The following CFAP20DC variants were observed in gnomAD, a reference collection of about 807,000 sequenced individuals.
CFAP20DC encodes the protein CFAP20 domain containing, also known as protein CFAP20DC.
Under a neutral mutation model 101.7 loss-of-function variants are expected in CFAP20DC, and 84 were observed. The ratio of observed to expected loss-of-function variants is 0.83; its 90% CI spans 0.69 to 0.99. CFAP20DC has a LOEUF of 0.99. Among genes scored for constraint, CFAP20DC ranks in the 50% least tolerant of loss-of-function variants. CFAP20DC has a pLI of 0.00. For missense variants in CFAP20DC, 1,007 were observed against 970.3 expected, an observed-to-expected ratio of 1.04 and a Z score of -0.50; for synonymous variants, 359 against 351.2, an observed-to-expected ratio of 1.02 and a Z score of -0.25.
intron 15 of CFAP20DC, among the ~76,000 whole-genome samples, chr3:58,789,514 C>A (rs780990791): frequency 6.6e-5 from 10 of 152,122 alleles, no homozygotes; most frequent in Non-Finnish European, 2.9e-5. Context: ...CAATGATATG[C>A]TAAAAAGGCT....
At chr3:58,915,543 A>G (rs1271899815) in intron 5 of CFAP20DC, among the ~76,000 whole-genome samples, 1 of 152,018 alleles carries the variant, frequency 6.6e-6, no homozygotes, top group Non-Finnish European at 1.5e-5. Context: ...AGTACCTATC[A>G]TGTGTTAGAC....
At chr3:58,842,635 G>A (rs1046214666) in intron 13 of CFAP20DC, among the ~76,000 whole-genome samples, 3 of 152,358 alleles carry the variant, frequency 2.0e-5, no homozygotes, top group Admixed American at 2.0e-4. Context: ...AAAGCAGCCA[G>A]GAAGCTCTAA....
intron 4 of CFAP20DC, chr3:58,953,563 A>G (rs989235356): frequency 2.1e-4 from 32 of 152,210 alleles, no homozygotes; most frequent in African/African-American, 7.7e-4. Context: ...AATCAAGAAT[A>G]GTTGGCTTTG....
Position 58,937,719 on chromosome 3 carries a change from T to C in CFAP20DC, c.322A>G (p.Thr108Ala). 1 of 1,612,110 alleles carries C rather than the reference T, an allele frequency of 6.2e-7. No homozygotes were observed. Among genetic ancestry groups the C allele is most frequent in the South Asian group, 1.1e-5 (1 of 90,996 alleles). The change falls in exon 5 of 17, where the codon ACG (threonine) becomes GCG (alanine). Residue 108 changes from threonine (T) to alanine (A), a missense_variant. Coordinates refer to ENST00000482387, the MANE Select transcript of CFAP20DC (RefSeq NM_001394063.1). ...GTGGAGGATAGTTCCTTATGGACCG[T>C]TGATAAATATAATCTTCTTTTGATG... ...GNIKRRLYLS[T>A]VHKELSSTPL...
At chr3:58,947,749 C>G (rs1252306667) in intron 4 of CFAP20DC, among the ~76,000 whole-genome samples, 1 of 152,164 alleles carries the variant, frequency 6.6e-6, no homozygotes, top group Non-Finnish European at 1.5e-5. Context: ...TGCAAGTAGT[C>G]TATTTCAGAG....
chr3:58,798,501 A>G (rs918983821), intron 15 of CFAP20DC, among the ~76,000 whole-genome samples: 3 of 152,370 alleles, frequency 2.0e-5, no homozygotes, highest in East Asian at 1.9e-4. Flanking sequence ...CTTGAAATGA[A>G]TCAACTCCTG....
intron 15 of CFAP20DC, among the ~76,000 whole-genome samples, chr3:58,772,994 T>A (rs903352112): frequency 6.6e-5 from 10 of 152,030 alleles, no homozygotes; most frequent in African/African-American, 2.2e-4. Flanking sequence ...TACTTTTCTA[T>A]GCTGGTTGAA....
intron 11 of CFAP20DC, 44 bp downstream of exon 11, chr3:58,866,522 A>C (rs1462899591): frequency 6.8e-7 from 1 of 1,479,872 alleles, no homozygotes; most frequent in Non-Finnish European, 9.1e-7. Context: ...CCATATTTAC[A>C]TTTTATTCAT....
intron 13 of CFAP20DC, among the ~76,000 whole-genome samples, chr3:58,847,911 GC>G (rs1553693095): frequency 8.5e-6 from 1 of 118,316 alleles, no homozygotes; most frequent in Non-Finnish European, 1.7e-5. Flanking sequence ...GTAAACTATC[GC>G]AAGAACAAAA....
intron 4 of CFAP20DC, among the ~76,000 whole-genome samples, chr3:58,977,286 G>A (rs2092318919): frequency 6.6e-6 from 1 of 152,182 alleles, no homozygotes; most frequent in Non-Finnish European, 1.5e-5. Flanking sequence ...GCCTCTTTAG[G>A]ATCTGTTCCC....
chr3:58,946,924 C>T (rs1235869249), intron 4 of CFAP20DC, among the ~76,000 whole-genome samples: 1 of 152,170 alleles, frequency 6.6e-6, no homozygotes, highest in African/African-American at 2.4e-5. Flanking sequence ...TCATTTATTC[C>T]TCCCAACAAC....
chr3:59,039,750 G>A lies in CFAP20DC; in HGVS notation c.206-121C>T, dbSNP rs1020060227. ...TAGCATTTCAGTAATACATAGAACT[G>A]CAAATAGCACTACCTATGAGTTACA... On this transcript the variant is annotated intron_variant, in intron 3 of 16. Coordinates refer to ENST00000482387, the MANE Select transcript of CFAP20DC (RefSeq NM_001394063.1). 5.5e-6 allele frequency: 3 copies of A among 544,184 alleles called. No homozygotes were observed. In the African/African-American group the frequency reaches 5.9e-5, roughly 11 times the overall value. 33.7% of individuals were successfully genotyped at this position (544,184 alleles called of 1,614,324 possible).
chr3:58,910,181 T>A (rs1016698822), intron 6 of CFAP20DC, among the ~76,000 whole-genome samples: 10 of 152,140 alleles, frequency 6.6e-5, no homozygotes, highest in African/African-American at 2.4e-4. Context: ...ATTAAGACTT[T>A]ACTTTTTTGG....
intron 4 of CFAP20DC, among the ~76,000 whole-genome samples, chr3:58,966,348 G>A (rs973520707): frequency 1.3e-5 from 2 of 152,078 alleles, no homozygotes; most frequent in Admixed American, 6.6e-5. Flanking sequence ...CTCCTGAAAC[G>A]TGTCCCTACG....
intron 4 of CFAP20DC, among the ~76,000 whole-genome samples, chr3:58,939,664 TAGTC>T (rs2088230664): frequency 6.6e-6 from 1 of 151,914 alleles, no homozygotes; most frequent in Non-Finnish European, 1.5e-5. Flanking sequence ...TTCATGATGT[TAGTC>T]AGGATGGTCT....
rs1320696754 is a variant in CFAP20DC at position 59,049,642 on chromosome 3, G to T, written c.-11C>A. On this transcript the variant is annotated 5_prime_UTR_variant, in exon 1 of 17. Coordinates refer to ENST00000482387, the MANE Select transcript of CFAP20DC (RefSeq NM_001394063.1). The stretch of plus-strand genomic sequence containing the variant: ...CTCATTTTTGAACATTCCCGCAGGG[G>T]GCCCAGGGCTTGGGGGGCACAGAGT... 6.5e-7 allele frequency: 1 copy of T among 1,536,108 alleles called. No homozygotes were observed. Among genetic ancestry groups the T allele is most frequent in the Non-Finnish European group, 8.7e-7 (1 of 1,146,898 alleles).
chr3:58,824,438 T>C (rs1024342467), intron 14 of CFAP20DC: 1 of 152,114 alleles, frequency 6.6e-6, no homozygotes, highest in South Asian at 2.1e-4. Context: ...GAAAACAGTA[T>C]TCATATATAA....
Position 58,801,050 on chromosome 3 carries a change from T to TGAGAGAGAGAGAGAGA in CFAP20DC, c.2237+5329_2237+5344dup, listed in dbSNP as rs143776206. 2.5e-3 allele frequency among the ~76,000 whole-genome samples: 327 copies of TGAGAGAGAGAGAGAGA among 131,706 alleles called. 2 individuals carry two copies. The highest frequency in any genetic ancestry group is 0.015 in the South Asian group (59 of 3,970). The allele number at this position is 131,706 out of a possible 152,430, so 86.4% of individuals were successfully genotyped here. A position where few individuals can be genotyped will look rare whatever the true frequency, so the allele number is the denominator to read the frequency against. On this transcript the variant is annotated intron_variant, in intron 15 of 16. Coordinates refer to ENST00000482387, the MANE Select transcript of CFAP20DC (RefSeq NM_001394063.1). ...GGGTGGGGTGGGGGTGGGGAGTAAGTGAGAGAGAGAGAGAGAGAGAGAGAA... is the reference window on the plus strand; with the variant it reads ...GGGTGGGGTGGGGGTGGGGAGTAAGTGAGAGAGAGAGAGAGAGAGAGAGAGAGAGAGAGAGAGAGAA...
At chr3:58,821,040 G>C (rs1301508414) in intron 14 of CFAP20DC, among the ~76,000 whole-genome samples, 2 of 151,670 alleles carry the variant, frequency 1.3e-5, no homozygotes, top group Non-Finnish European at 2.9e-5. Flanking sequence ...ACAAGCAATG[G>C]GGAAAGGATT....
Sources: gnomAD v4.1 joint callset for allele counts (sites outside exome capture counted in the v4.1 genomes callset) on GRCh38, gnomAD v4.1.1 for gene constraint, MANE v1.5 for transcripts, NCBI Gene and HGNC (gene_info 2026-07-23, HGNC 2026-07-21) for gene names.